Variants in KIF3B observed in about 807,000 individuals in gnomAD.
The protein encoded by KIF3B is kinesin-like protein KIF3B.
In KIF3B, 38 loss-of-function variants were observed where a neutral mutation model predicts 74.3. The observed-to-expected ratio is 0.51, with a 90% CI of 0.39 to 0.67. The LOEUF (loss-of-function observed/expected upper bound fraction) is 0.67. Among genes scored for constraint, KIF3B ranks in the 30% least tolerant of loss-of-function variants. The pLI, the probability that KIF3B is intolerant of heterozygous loss-of-function variation, is 0.00. For missense variants in KIF3B, 649 were observed against 932.0 expected, an observed-to-expected ratio of 0.70 and a Z score of 3.95; for synonymous variants, 326 against 342.5, an observed-to-expected ratio of 0.95 and a Z score of 0.53.
chr20:32,282,536 T>C (rs6119232), intron 1 of KIF3B, among the ~76,000 whole-genome samples: 101,499 of 151,946 alleles, frequency 0.67, 35,425 homozygotes, highest in East Asian at 0.99. Context: ...CTTGACGTTC[T>C]TACTGTGAAC....
Position 32,317,845 on chromosome 20 carries a change from T to A in KIF3B, c.1748+971T>A, listed in dbSNP as rs569075694. Among the ~76,000 whole-genome samples, 20 of 152,234 alleles carry A rather than the reference T, an allele frequency of 1.3e-4. No homozygotes were observed. In the East Asian group the frequency reaches 3.7e-3, roughly 28 times the overall value. On this transcript the variant is annotated intron_variant, in intron 5 of 8. Coordinates refer to ENST00000375712, the MANE Select transcript of KIF3B (RefSeq NM_004798.4). ...TTATAGAGATAGAGTCTCTCTATGTTACCTAAGCTGATCTCAAACTCCTAG... is the reference window on the plus strand; with the variant it reads ...TTATAGAGATAGAGTCTCTCTATGTAACCTAAGCTGATCTCAAACTCCTAG...
rs982483002 is a variant in KIF3B at position 32,333,497 on chromosome 20, G to A, written c.*2178G>A. ...AAAATACAAAAATTTGCCTGGTGTG[G>A]TGGTGCATGCCTCTAGTCCTAGCTA... On this transcript the variant is annotated 3_prime_UTR_variant, in exon 9 of 9. Coordinates refer to ENST00000375712, the MANE Select transcript of KIF3B (RefSeq NM_004798.4). The A allele has an allele frequency of 1.3e-5, 2 of 151,882 alleles. No homozygotes were observed. Among genetic ancestry groups the A allele is most frequent in the Non-Finnish European group, 2.9e-5 (2 of 68,032 alleles). 9.4% of individuals were successfully genotyped at this position (151,882 alleles called of 1,614,324 possible).
chr20:32,293,932 T>G (rs577089908), intron 1 of KIF3B, among the ~76,000 whole-genome samples: 54 of 152,338 alleles, frequency 3.5e-4, no homozygotes, highest in Non-Finnish European at 6.3e-4. Flanking sequence ...TTTTGAATCC[T>G]GACTCTTCCA....
Position 32,331,909 on chromosome 20 carries a change from T to C in KIF3B, c.*590T>C, listed in dbSNP as rs1333157784. On this transcript the variant is annotated 3_prime_UTR_variant, in exon 9 of 9. Transcript: ENST00000375712. ...TCCATGCACCTCAGTAAGAAGTGGA[T>C]CTGCCTTTGGGACCTGCTCAGTGAG... The C allele has an allele frequency of 6.5e-6, 1 of 152,862 alleles. No individual in the cohort carries two copies. Among genetic ancestry groups the C allele is most frequent in the Non-Finnish European group, 1.5e-5 (1 of 68,220 alleles). The allele number at this position is 152,862 out of a possible 1,614,324, so 9.5% of individuals were successfully genotyped here.
intron 1 of KIF3B, among the ~76,000 whole-genome samples, chr20:32,294,277 A>G (rs768875962): frequency 6.6e-5 from 10 of 152,174 alleles, no homozygotes; most frequent in African/African-American, 1.7e-4. Context: ...AATGACAGAG[A>G]GTACATGGCG....
chr20:32,288,271 T>C (rs1186736721), intron 1 of KIF3B, among the ~76,000 whole-genome samples: 5 of 152,054 alleles, frequency 3.3e-5, no homozygotes, highest in Non-Finnish European at 7.4e-5. Context: ...GGAAGATTGC[T>C]TGAGGCCAGA....
At chr20:32,280,564 A>AG (rs1787331475) in intron 1 of KIF3B, among the ~76,000 whole-genome samples, 1 of 150,412 alleles carries the variant, frequency 6.6e-6, no homozygotes, top group African/African-American at 2.5e-5. Flanking sequence ...AGAAAAAAAA[A>AG]ATTAGCTGGG....
intron 5 of KIF3B, among the ~76,000 whole-genome samples, chr20:32,323,926 C>T (rs1275197018): frequency 1.3e-5 from 2 of 151,816 alleles, no homozygotes; most frequent in Non-Finnish European, 2.9e-5. Context: ...GTTGAAAAGA[C>T]TGAATCAGAT....
Position 32,334,673 on chromosome 20 carries a change from G to A in KIF3B, c.*3354G>A, listed in dbSNP as rs999999585. ...GAACTGGCTAAGAATAGTGGGCCTG[G>A]TGATTGTCTATCACGCAAGGCTTTG... is the stretch of plus-strand genomic sequence containing the variant. On this transcript the variant is annotated 3_prime_UTR_variant, in exon 9 of 9. Transcript: ENST00000375712. The A allele has an allele frequency of 2.0e-5, 3 of 152,250 alleles. No homozygotes were observed. The highest frequency in any genetic ancestry group is 4.8e-5 in the African/African-American group (2 of 41,434). 9.4% of individuals were successfully genotyped at this position (152,250 alleles called of 1,614,324 possible).
intron 1 of KIF3B, among the ~76,000 whole-genome samples, chr20:32,290,633 G>A (rs1001040908): frequency 6.6e-6 from 1 of 152,212 alleles, no homozygotes; most frequent in African/African-American, 2.4e-5. Context: ...CACTTTGGGA[G>A]GCCAAGGCGG....
chr20:32,290,031 A>G (rs1600417749), intron 1 of KIF3B, among the ~76,000 whole-genome samples: 1 of 152,206 alleles, frequency 6.6e-6, no homozygotes, highest in East Asian at 1.9e-4. Context: ...AGCAGGTGTT[A>G]GTGATATTCC....
chr20:32,322,076 T>A (rs1285244212), intron 5 of KIF3B, among the ~76,000 whole-genome samples: 2 of 152,162 alleles, frequency 1.3e-5, no homozygotes, highest in African/African-American at 4.8e-5. Flanking sequence ...TTGATCACAT[T>A]GAATCTGTAG....
intron 1 of KIF3B, among the ~76,000 whole-genome samples, chr20:32,279,480 T>A (rs910716940): frequency 2.0e-4 from 30 of 152,028 alleles, no homozygotes; most frequent in African/African-American, 7.2e-4. Context: ...TTTTTTTTTT[T>A]TTGAGACGGA....
intron 8 of KIF3B, among the ~76,000 whole-genome samples, chr20:32,330,531 C>T (rs1285200379): frequency 1.3e-5 from 2 of 152,164 alleles, no homozygotes; most frequent in Non-Finnish European, 2.9e-5. Context: ...TGTCCCCAGT[C>T]CCTTACTATA....
chr20:32,309,240 C>T (rs1479283698), intron 1 of KIF3B, among the ~76,000 whole-genome samples: 1 of 150,784 alleles, frequency 6.6e-6, no homozygotes, highest in Non-Finnish European at 1.5e-5. Flanking sequence ...CCTATGTTGC[C>T]CAGGCTGATC....
chr20:32,294,473 T>G (rs1055816470), intron 1 of KIF3B, among the ~76,000 whole-genome samples: 2 of 152,128 alleles, frequency 1.3e-5, no homozygotes, highest in East Asian at 3.9e-4. Flanking sequence ...TCAAAATACA[T>G]GCACCCATCA....
rs76974218 is a variant in KIF3B, at chr20:32,315,723, T to A, written c.1405-495T>A. 4.1e-3 allele frequency among the ~76,000 whole-genome samples: 619 copies of A among 152,154 alleles called. 3 individuals carry two copies. Among genetic ancestry groups the A allele is most frequent in the African/African-American group, 0.014 (595 of 41,528 alleles). On this transcript the variant is annotated intron_variant, in intron 2 of 8. Transcript: ENST00000375712. ...ACTAGACCCTGTCTTTAAAAAATTT[T>A]AAAAAATCCCCACAGAGTCTGAATT...
intron 1 of KIF3B, among the ~76,000 whole-genome samples, chr20:32,306,200 C>G (rs548866424): frequency 6.6e-6 from 1 of 151,636 alleles, no homozygotes; most frequent in South Asian, 2.1e-4. Flanking sequence ...CGAGACCATC[C>G]TGGCCAACAT....
intron 7 of KIF3B, among the ~76,000 whole-genome samples, chr20:32,329,455 TC>T (rs2047920143): frequency 6.6e-6 from 1 of 151,626 alleles, no homozygotes; most frequent in Non-Finnish European, 1.5e-5. Flanking sequence ...GCTCAAGTGA[TC>T]CTCCTGCCTT....
Sources: allele counts gnomAD v4.1 joint callset (sites outside exome capture counted in the v4.1 genomes callset), GRCh38; gene constraint gnomAD v4.1.1; transcripts MANE v1.5; gene names NCBI Gene and HGNC (gene_info 2026-07-23, HGNC 2026-07-21).